RIT2: variants seen among roughly 807,000 people sequenced by gnomAD.
RIT2 encodes Ras like without CAAX 2.
A neutral mutation model predicts 23.7 loss-of-function variants in RIT2; 24 were observed. The ratio of observed to expected loss-of-function variants is 1.01; its 90% CI spans 0.73 to 1.43. The LOEUF (loss-of-function observed/expected upper bound fraction) is 1.43, where lower values mean the gene tolerates loss of function less well. Among genes scored for constraint, RIT2 ranks in the 40% most tolerant of loss-of-function variants. The pLI, the probability that RIT2 is intolerant of heterozygous loss-of-function variation, is 0.00. For missense variants in RIT2, 236 were observed against 266.9 expected (o/e 0.88, Z 0.81); for synonymous variants, 107 against 91.1 (o/e 1.17, Z -0.99).
intron 1 of RIT2, among the ~76,000 whole-genome samples, chr18:43,105,513 G>C (rs1201721944): frequency 8.1e-6 from 1 of 123,156 alleles, no homozygotes; most frequent in Non-Finnish European, 1.8e-5. Context: ...AGGGAGGGAG[G>C]GAGGGAATGA....
chr18:42,862,134 C>T (rs1598688291), intron 4 of RIT2, among the ~76,000 whole-genome samples: 1 of 152,016 alleles, frequency 6.6e-6, no homozygotes, highest in East Asian at 1.9e-4. Flanking sequence ...AATTGCAATC[C>T]CCATGTACTA....
At chr18:42,994,298 G>A (rs116459729) in intron 2 of RIT2, among the ~76,000 whole-genome samples, 4,896 of 152,076 alleles carry the variant, frequency 0.032, 256 homozygotes, top group African/African-American at 0.11. Context: ...TTCTCCATCC[G>A]TTACCTAGCT....
chr18:42,918,462 A>T (rs1908969711), intron 4 of RIT2, among the ~76,000 whole-genome samples: 1 of 152,174 alleles, frequency 6.6e-6, no homozygotes, highest in Non-Finnish European at 1.5e-5. Flanking sequence ...ATCTATCCCA[A>T]AATAATGAGT....
chr18:43,066,644 A>T (rs1242035121), intron 1 of RIT2, among the ~76,000 whole-genome samples: 2 of 152,164 alleles, frequency 1.3e-5, no homozygotes, highest in African/African-American at 4.8e-5. Context: ...TCCTCTATAC[A>T]TATAAGCATA....
rs898553533 is a variant in RIT2 at position 42,875,920 on chromosome 18, C to A, written c.426+47652G>T. Reference sequence around the variant, plus strand: ...TGAATGCTGTACACCAAGGATTTAACCTTAGATAATGTCATTTATCACCAC... The same window carrying A: ...TGAATGCTGTACACCAAGGATTTAAACTTAGATAATGTCATTTATCACCAC... On this transcript the variant is annotated intron_variant, in intron 4 of 4. Coordinates refer to ENST00000326695, the MANE Select transcript of RIT2 (RefSeq NM_002930.4). 2.5e-4 allele frequency among the ~76,000 whole-genome samples: 38 copies of A among 152,014 alleles called. 1 individual carries two copies. The highest frequency in any genetic ancestry group is 2.3e-3 in the Admixed American group (35 of 15,226).
chr18:43,097,403 G>C (rs1913579735), intron 1 of RIT2, among the ~76,000 whole-genome samples: 1 of 151,862 alleles, frequency 6.6e-6, no homozygotes, highest in Non-Finnish European at 1.5e-5. Context: ...TAAATAAATA[G>C]CAAAGACAGC....
At chr18:42,910,986 A>G (rs1908755504) in intron 4 of RIT2, among the ~76,000 whole-genome samples, 2 of 152,130 alleles carry the variant, frequency 1.3e-5, no homozygotes, top group South Asian at 4.1e-4. Context: ...AGCAGAATAC[A>G]TATTCTTTTC....
chr18:42,858,085 G>A (rs548794409), intron 4 of RIT2, among the ~76,000 whole-genome samples: 7 of 152,272 alleles, frequency 4.6e-5, no homozygotes, highest in South Asian at 2.1e-4. Context: ...GGAGACTGAG[G>A]CAGGAGAATT....
chr18:42,774,481 A>AT (rs1359507337), intron 4 of RIT2, among the ~76,000 whole-genome samples: 1 of 151,856 alleles, frequency 6.6e-6, no homozygotes, highest in South Asian at 2.1e-4. Context: ...CTGTCCTCAG[A>AT]TAAAAAAAAA....
chr18:43,108,339 C>A (rs1193454576), intron 1 of RIT2, among the ~76,000 whole-genome samples: 1 of 148,556 alleles, frequency 6.7e-6, no homozygotes, highest in East Asian at 2.1e-4. Context: ...GTGCCTTGGG[C>A]CATATTACGT....
intron 4 of RIT2, among the ~76,000 whole-genome samples, chr18:42,795,382 G>A (rs1453921173): frequency 6.6e-6 from 1 of 152,214 alleles, no homozygotes; most frequent in Admixed American, 6.5e-5. Flanking sequence ...CCGGGCCAGC[G>A]GCTGTGGAGG....
At chr18:43,014,904 A>T (rs1911437783) in intron 2 of RIT2, among the ~76,000 whole-genome samples, 1 of 151,818 alleles carries the variant, frequency 6.6e-6, no homozygotes, top group Non-Finnish European at 1.5e-5. Flanking sequence ...TAACATGAAT[A>T]AATTTCACAA....
At chr18:42,772,696 A>G (rs1037615083) in intron 4 of RIT2, among the ~76,000 whole-genome samples, 1 of 152,124 alleles carries the variant, frequency 6.6e-6, no homozygotes, top group African/African-American at 2.4e-5. Flanking sequence ...CTGTGACAAA[A>G]TTGTCTTTTG....
intron 4 of RIT2, among the ~76,000 whole-genome samples, chr18:42,891,816 A>G (rs1036064675): frequency 6.6e-6 from 1 of 152,182 alleles, no homozygotes; most frequent in Non-Finnish European, 1.5e-5. Flanking sequence ...ACAATGATAG[A>G]CACATGTTAT....
intron 4 of RIT2, among the ~76,000 whole-genome samples, chr18:42,913,092 C>T (rs528588039): frequency 6.6e-6 from 1 of 151,040 alleles, no homozygotes; most frequent in South Asian, 2.1e-4. Context: ...CATAACTCCA[C>T]ATGAATATGC....
chr18:42,815,290 G>A (rs933286648), intron 4 of RIT2, among the ~76,000 whole-genome samples: 12 of 152,076 alleles, frequency 7.9e-5, no homozygotes, highest in African/African-American at 2.9e-4. Context: ...AAAACCTCAG[G>A]AAACAATGGA....
chr18:42,856,455 A>G (rs1012695174), intron 4 of RIT2, among the ~76,000 whole-genome samples: 2 of 152,158 alleles, frequency 1.3e-5, no homozygotes, highest in Non-Finnish European at 2.9e-5. Context: ...TTTCTCTTGA[A>G]CCTTTTTCAT....
At chr18:42,886,163 C>T (rs371517680) in intron 4 of RIT2, among the ~76,000 whole-genome samples, 1 of 152,164 alleles carries the variant, frequency 6.6e-6, no homozygotes, top group Non-Finnish European at 1.5e-5. Flanking sequence ...TTAAAGTATA[C>T]ATTTTTAAAG....
intron 4 of RIT2, among the ~76,000 whole-genome samples, chr18:42,780,226 G>T (rs1487254039): frequency 6.6e-6 from 1 of 151,762 alleles, no homozygotes; most frequent in Non-Finnish European, 1.5e-5. Context: ...TGGTATAATT[G>T]GTTCAGCCCT....
Sources: gnomAD v4.1 joint callset for allele counts (sites outside exome capture counted in the v4.1 genomes callset) on GRCh38, gnomAD v4.1.1 for gene constraint, MANE v1.5 for transcripts, NCBI Gene and HGNC (gene_info 2026-07-23, HGNC 2026-07-21) for gene names.